Variants in NDUFB5 observed in about 807,000 individuals in gnomAD.
NDUFB5 encodes the protein NADH dehydrogenase [ubiquinone] 1 beta subcomplex subunit 5, mitochondrial.
In NDUFB5, 19 loss-of-function variants were observed where a neutral mutation model predicts 19.4. That is an observed-to-expected ratio of 0.98 (90% CI 0.68 to 1.43). The LOEUF (loss-of-function observed/expected upper bound fraction) is 1.43. NDUFB5 is among the 40% of genes most tolerant of loss of function. NDUFB5 has a pLI of 0.00. For synonymous variants in NDUFB5, 80 were observed against 82.6 expected, an observed-to-expected ratio of 0.97 and a Z score of 0.17; for missense variants, 233 against 236.5, an observed-to-expected ratio of 0.99 and a Z score of 0.10.
At chr3:179,622,745 A>G (rs1317291504) in intron 5 of NDUFB5, among the ~76,000 whole-genome samples, 11 of 152,234 alleles carry the variant, frequency 7.2e-5, no homozygotes. Flanking sequence ...AAAGGCATAT[A>G]ATCTCCCATA....
At position 179,624,572 on chromosome 3, in the gene NDUFB5, T is replaced by TATACACACACACACACACACAC. The variant is rs750458055; in HGVS notation, c.*533_*534insTACACACACACACACACACACA. The TATACACACACACACACACACAC allele has an allele frequency of 7.8e-6, 1 of 128,390 alleles. No individual in the cohort carries two copies. Among genetic ancestry groups the TATACACACACACACACACACAC allele is most frequent in the Admixed American group, 7.8e-5 (1 of 12,804 alleles). The allele number at this position is 128,390 out of a possible 1,614,324, so 8.0% of individuals were successfully genotyped here. On this transcript the variant is annotated 3_prime_UTR_variant, in exon 6 of 6. Coordinates refer to ENST00000259037, the MANE Select transcript of NDUFB5 (RefSeq NM_002492.4). Reference sequence around the variant, plus strand: ...AACTACACACAGACACACAGACACGTACACACACACACACACACACACACA... The same window carrying TATACACACACACACACACACAC: ...AACTACACACAGACACACAGACACGTATACACACACACACACACACACACACACACACACACACACACACACA...
At chr3:179,605,686 A>G (rs1326358323) in intron 1 of NDUFB5, among the ~76,000 whole-genome samples, 1 of 152,066 alleles carries the variant, frequency 6.6e-6, no homozygotes, top group Admixed American at 6.6e-5. Context: ...AGCCTGTATT[A>G]TGTTCGTTTT....
chr3:179,605,816 C>T (rs1404164850), intron 1 of NDUFB5, among the ~76,000 whole-genome samples: 1 of 140,428 alleles, frequency 7.1e-6, no homozygotes, highest in African/African-American at 2.7e-5. Context: ...TCTTTTGAGA[C>T]AGTCTCACTC....
At chr3:179,615,856 T>C (rs1000149418) in intron 2 of NDUFB5, 127 bp from the exon 3 acceptor site, 9 of 708,370 alleles carry the variant, frequency 1.3e-5, no homozygotes, top group African/African-American at 7.2e-5. Context: ...ATCAATAATT[T>C]GGTACTGTAT....
chr3:179,611,227 T>C (rs4147787), intron 1 of NDUFB5, among the ~76,000 whole-genome samples: 13,921 of 152,146 alleles, frequency 0.091, 693 homozygotes, highest in South Asian at 0.17. Flanking sequence ...ATTACCTAGG[T>C]CAGTAAAGTA....
rs2339846 is a variant in NDUFB5 at position 179,624,859 on chromosome 3, T to G, written c.*819T>G. On this transcript the variant is annotated 3_prime_UTR_variant, in exon 6 of 6. Transcript: ENST00000259037. Reference sequence around the variant, plus strand: ...TCACCCAGGCTAGAGTGCAGTGCCGTGATCTCGGCTGCAACCTCCGCCTCC... The same window carrying G: ...TCACCCAGGCTAGAGTGCAGTGCCGGGATCTCGGCTGCAACCTCCGCCTCC... The G allele has an allele frequency of 1.4e-5, 2 of 147,688 alleles. No homozygotes were observed. The highest frequency in any genetic ancestry group is 5.1e-5 in the African/African-American group (2 of 39,310). The allele number at this position is 147,688 out of a possible 1,614,324, so 9.1% of individuals were successfully genotyped here. A position where few individuals can be genotyped will look rare whatever the true frequency, so the allele number is the denominator to read the frequency against.
chr3:179,624,176 G>A lies in NDUFB5; in HGVS notation c.*136G>A. The A allele has an allele frequency of 1.3e-6, 1 of 789,778 alleles. No homozygotes were observed. The allele number at this position is 789,778 out of a possible 1,614,324, so 48.9% of individuals were successfully genotyped here. On this transcript the variant is annotated 3_prime_UTR_variant, in exon 6 of 6. Transcript: ENST00000259037. Reference sequence around the variant, plus strand: ...GTCTCTCAGTGTTGGTTCAGATTGAGGCTTTTGTTTGAGGAGTTTGGCTTC... The same window carrying A: ...GTCTCTCAGTGTTGGTTCAGATTGAAGCTTTTGTTTGAGGAGTTTGGCTTC...
At chr3:179,606,626 C>T (rs1320812069) in intron 1 of NDUFB5, among the ~76,000 whole-genome samples, 3 of 152,178 alleles carry the variant, frequency 2.0e-5, no homozygotes, top group African/African-American at 7.2e-5. Context: ...GCGTGAGCCA[C>T]CCCACCTGAC....
chr3:179,612,578 T>C (rs1451365217), intron 1 of NDUFB5, among the ~76,000 whole-genome samples: 3 of 151,124 alleles, frequency 2.0e-5, no homozygotes, highest in African/African-American at 4.9e-5. Flanking sequence ...TGGGTTTACT[T>C]ACGCCATTCT....
intron 1 of NDUFB5, among the ~76,000 whole-genome samples, chr3:179,613,248 A>G (rs1364577993): frequency 6.6e-6 from 1 of 152,028 alleles, no homozygotes; most frequent in Non-Finnish European, 1.5e-5. Context: ...GCAGTAATTA[A>G]TCAGTACCTT....
rs1553782471 is a variant in NDUFB5, at chr3:179,624,572, T to TACATACACACACAC, written c.*535_*536insTACACACACACACA. On this transcript the variant is annotated 3_prime_UTR_variant, in exon 6 of 6. Coordinates refer to ENST00000259037, the MANE Select transcript of NDUFB5 (RefSeq NM_002492.4). ...AACTACACACAGACACACAGACACG[T>TACATACACACACAC]ACACACACACACACACACACACACA... 2 of 128,390 alleles carry TACATACACACACAC rather than the reference T, an allele frequency of 1.6e-5. No homozygotes were observed. The highest frequency in any genetic ancestry group is 3.2e-5 in the Non-Finnish European group (2 of 63,348). The allele number at this position is 128,390 out of a possible 1,614,324, so 8.0% of individuals were successfully genotyped here.
In NDUFB5 at chr3:179,627,053, G is replaced by A. The variant is rs1043095861; in HGVS notation, c.*3013G>A. 4 of 152,118 alleles carry A rather than the reference G, an allele frequency of 2.6e-5. No homozygotes were observed. Among genetic ancestry groups the A allele is most frequent in the African/African-American group, 9.7e-5 (4 of 41,402 alleles). 9.4% of individuals were successfully genotyped at this position (152,118 alleles called of 1,614,324 possible). A position where few individuals can be genotyped will look rare whatever the true frequency, so the allele number is the denominator to read the frequency against. On this transcript the variant is annotated 3_prime_UTR_variant, in exon 6 of 6. Coordinates refer to ENST00000259037, the MANE Select transcript of NDUFB5 (RefSeq NM_002492.4). ...GGCACCAGCATTGCTTGGCTTCTGG[G>A]GAGGCCTCAAGGAACTTTCACTCAT...
At position 179,625,840 on chromosome 3, in the gene NDUFB5, C is replaced by G. The variant is rs1719657125; in HGVS notation, c.*1800C>G. 6.6e-6 allele frequency: 1 copy of G among 152,164 alleles called. No homozygotes were observed. Among genetic ancestry groups the G allele is most frequent in the Non-Finnish European group, 1.5e-5 (1 of 68,034 alleles). The allele number at this position is 152,164 out of a possible 1,614,324, so 9.4% of individuals were successfully genotyped here. A position where few individuals can be genotyped will look rare whatever the true frequency, so the allele number is the denominator to read the frequency against. Reference sequence around the variant, plus strand: ...GGCTTATTTCACTTACATTAATGACCTCCAGTTCCATCCATGTTGCTACAA... The same window carrying G: ...GGCTTATTTCACTTACATTAATGACGTCCAGTTCCATCCATGTTGCTACAA... On this transcript the variant is annotated 3_prime_UTR_variant, in exon 6 of 6. Transcript: ENST00000259037.
In NDUFB5 at chr3:179,624,808, T is replaced by TTTTTTTTTTTTC. The variant is rs1560028383; in HGVS notation, c.*776_*777insTTTCTTTTTTTT. On this transcript the variant is annotated 3_prime_UTR_variant, in exon 6 of 6. Transcript: ENST00000259037. ...TTATTTTCTTTTCTTTTTTTTTTTT[T>TTTTTTTTTTTTC]TTTTTTTTGACGAAATCTTGCACTG... The TTTTTTTTTTTTC allele has an allele frequency of 7.0e-6, 1 of 141,884 alleles. No individual in the cohort carries two copies. The allele number at this position is 141,884 out of a possible 1,614,324, so 8.8% of individuals were successfully genotyped here.
At chr3:179,620,519 T>C in intron 5 of NDUFB5, among the ~76,000 whole-genome samples, 1 of 152,224 alleles carries the variant, frequency 6.6e-6, no homozygotes, top group Non-Finnish European at 1.5e-5. Context: ...ATATGCGGCA[T>C]TATTTCTGAG....
At chr3:179,622,819 A>G (rs919466469) in intron 5 of NDUFB5, among the ~76,000 whole-genome samples, 3 of 152,218 alleles carry the variant, frequency 2.0e-5, no homozygotes, top group Non-Finnish European at 4.4e-5. Flanking sequence ...TTTTAGTCCT[A>G]TGAAAAACTA....
chr3:179,614,349 G>A (rs1481941592), intron 1 of NDUFB5, among the ~76,000 whole-genome samples: 1 of 152,198 alleles, frequency 6.6e-6, no homozygotes, highest in East Asian at 1.9e-4. Context: ...ATTTTAGAGT[G>A]TGTAGTTTGA....
At position 179,617,033 on chromosome 3, in the gene NDUFB5, GA is replaced by G; in HGVS notation, c.333del (p.Glu111AspfsTer41). The G allele has an allele frequency of 3.1e-6, 5 of 1,610,586 alleles. No individual in the cohort carries two copies. The highest frequency in any genetic ancestry group is 4.2e-6 in the Non-Finnish European group (5 of 1,177,306). On this transcript the variant is annotated frameshift_variant, in exon 4 of 6. Transcript: ENST00000259037. LOFTEE classifies it high-confidence loss of function. ...IPEGYVPEHW[E>X]YYKHPISRWI... ...AGAAGGCTATGTCCCAGAACACTGG[GA>G]ATATTATAAGGTTTGTATAGGACAT...
intron 1 of NDUFB5, among the ~76,000 whole-genome samples, chr3:179,607,058 G>A (rs1174511745): frequency 6.6e-6 from 1 of 152,182 alleles, no homozygotes; most frequent in Non-Finnish European, 1.5e-5. Context: ...TCCAGCTGGA[G>A]ATAAACTGCA....
Sources: gnomAD v4.1 joint callset for allele counts (sites outside exome capture counted in the v4.1 genomes callset) on GRCh38, gnomAD v4.1.1 for gene constraint, MANE v1.5 for transcripts, NCBI Gene and HGNC (gene_info 2026-07-23, HGNC 2026-07-21) for gene names.